The following DPP10 variants were observed in gnomAD, a reference collection of about 807,000 sequenced individuals.
The protein encoded by DPP10 is inactive dipeptidyl peptidase 10.
Under a neutral mutation model 120.9 loss-of-function variants are expected in DPP10, and 33 were observed. The observed-to-expected ratio is 0.27, with a 90% CI of 0.21 to 0.37. The LOEUF (loss-of-function observed/expected upper bound fraction) is 0.37, where lower values mean the gene tolerates loss of function less well. DPP10 is among the 10% of genes least tolerant of loss of function. The probability of loss-of-function intolerance (pLI) is 1.00; values close to 1 mark genes in which losing one functional copy is unlikely to be tolerated. For missense variants in DPP10, 816 were observed against 942.8 expected, an observed-to-expected ratio of 0.87 and a Z score of 1.76; for synonymous variants, 337 against 326.1, an observed-to-expected ratio of 1.03 and a Z score of -0.36.
rs57462947 is a variant in DPP10, at chr2:115,207,416, CAAAAAAAAAA to C, written c.61-101802_61-101793del. 4.8e-3 allele frequency among the ~76,000 whole-genome samples: 249 copies of C among 52,286 alleles called. 3 individuals carry two copies. The highest frequency in any genetic ancestry group is 0.015 in the African/African-American group (228 of 15,126). The allele number at this position is 52,286 out of a possible 152,430, so 34.3% of individuals were successfully genotyped here. A position where few individuals can be genotyped will look rare whatever the true frequency, so the allele number is the denominator to read the frequency against. ...GGTTTTTAAAGAGTGCTTACTGCAC[CAAAAAAAAAA>C]AAAAAAAAAAAAAAAAAAAAGCTTT... On this transcript the variant is annotated intron_variant, in intron 1 of 25. Coordinates refer to ENST00000410059, the MANE Select transcript of DPP10 (RefSeq NM_020868.6).
intron 1 of DPP10, among the ~76,000 whole-genome samples, chr2:114,543,292 G>A (rs1239309421): frequency 2.0e-5 from 3 of 152,142 alleles, no homozygotes; most frequent in African/African-American, 4.8e-5. Context: ...GCACTTAACT[G>A]AGTGCACATC....
chr2:115,426,914 G>A (rs896973045), intron 3 of DPP10, among the ~76,000 whole-genome samples: 4 of 152,182 alleles, frequency 2.6e-5, no homozygotes, highest in African/African-American at 9.6e-5. Flanking sequence ...CTATAAACTT[G>A]TAGAATAAAA....
intron 1 of DPP10, among the ~76,000 whole-genome samples, chr2:114,443,655 T>C (rs1230066134): frequency 6.6e-6 from 1 of 151,806 alleles, no homozygotes; most frequent in East Asian, 1.9e-4. Context: ...GTGGATATTT[T>C]GCATCTTGAG....
chr2:114,664,941 GAGCATCCAAAAGATGGCAT>G lies in DPP10; in HGVS notation c.60+222106_60+222124del, dbSNP rs1573920692. 5.3e-5 allele frequency among the ~76,000 whole-genome samples: 8 copies of G among 150,760 alleles called. No individual in the cohort carries two copies. In the East Asian group the frequency reaches 5.9e-4, roughly 11 times the overall value. ...CAGAGAGCATCCAAAAGATGGCACAGAGCATCCAAAAGATGGCATAGAGCATCCAAAAGATGGCAGAGAG... is the reference window on the plus strand; with the variant it reads ...CAGAGAGCATCCAAAAGATGGCACAGAGAGCATCCAAAAGATGGCAGAGAG... On this transcript the variant is annotated intron_variant, in intron 1 of 25. Coordinates refer to ENST00000410059, the MANE Select transcript of DPP10 (RefSeq NM_020868.6).
At chr2:115,412,895 C>A (rs2104595183) in intron 3 of DPP10, among the ~76,000 whole-genome samples, 1 of 152,140 alleles carries the variant, frequency 6.6e-6, no homozygotes, top group South Asian at 2.1e-4. Context: ...CAGTAGAGGG[C>A]CTCTCATCTA....
chr2:115,001,604 T>C (rs1435521436), intron 1 of DPP10, among the ~76,000 whole-genome samples: 3 of 152,216 alleles, frequency 2.0e-5, no homozygotes, highest in Non-Finnish European at 4.4e-5. Flanking sequence ...GAAGTCAGTC[T>C]ACCCCTGTTT....
intron 1 of DPP10, among the ~76,000 whole-genome samples, chr2:114,672,482 A>G (rs79409684): frequency 1.0e-3 from 159 of 152,266 alleles, no homozygotes; most frequent in African/African-American, 3.6e-3. Context: ...TATTTGTGTC[A>G]ATACTTTCTG....
Position 115,287,304 on chromosome 2 carries a change from A to T in DPP10, c.61-21935A>T, listed in dbSNP as rs182110409. On this transcript the variant is annotated intron_variant, in intron 1 of 25. Transcript: ENST00000410059. ...TTTTATTTTTAATTAATTTTTTAAAATTTCAGTAGCTTGAGGGGTACAAGT... is the reference window on the plus strand; with the variant it reads ...TTTTATTTTTAATTAATTTTTTAAATTTTCAGTAGCTTGAGGGGTACAAGT... 5.4e-4 allele frequency among the ~76,000 whole-genome samples: 82 copies of T among 152,180 alleles called. 1 individual carries two copies. The East Asian group carries it at 0.011, about 21-fold the overall frequency.
chr2:114,552,083 A>T (rs1408993190), intron 1 of DPP10, among the ~76,000 whole-genome samples: 1 of 152,204 alleles, frequency 6.6e-6, no homozygotes, highest in Non-Finnish European at 1.5e-5. Context: ...CGGCAGAGAC[A>T]ACATGGTACA....
intron 1 of DPP10, among the ~76,000 whole-genome samples, chr2:115,154,497 C>G (rs2051765649): frequency 6.6e-6 from 1 of 151,950 alleles, no homozygotes; most frequent in South Asian, 2.1e-4. Context: ...AGAGGAATAT[C>G]AAGACTATGT....
intron 1 of DPP10, among the ~76,000 whole-genome samples, chr2:114,903,894 C>A (rs1179802188): frequency 1.3e-5 from 2 of 152,226 alleles, no homozygotes; most frequent in African/African-American, 4.8e-5. Context: ...AGAATGAAAT[C>A]TGCCTTACAG....
chr2:114,967,368 C>T (rs1486891339), intron 1 of DPP10, among the ~76,000 whole-genome samples: 1 of 152,046 alleles, frequency 6.6e-6, no homozygotes, highest in Non-Finnish European at 1.5e-5. Context: ...AGTTTGTGGA[C>T]ACAGATGGAT....
intron 10 of DPP10, among the ~76,000 whole-genome samples, chr2:115,750,601 CAG>C (rs1296572706): frequency 2.6e-5 from 4 of 152,152 alleles, no homozygotes; most frequent in African/African-American, 9.7e-5. Flanking sequence ...TATTTAAAAA[CAG>C]ACACAATAAT....
intron 1 of DPP10, among the ~76,000 whole-genome samples, chr2:114,660,866 C>T (rs746356989): frequency 1.3e-5 from 2 of 152,052 alleles, no homozygotes; most frequent in Non-Finnish European, 2.9e-5. Context: ...TGAACTGCAA[C>T]TCTTACTTTT....
chr2:115,394,359 G>A (rs1028592106), intron 3 of DPP10, among the ~76,000 whole-genome samples: 1 of 151,526 alleles, frequency 6.6e-6, no homozygotes. Context: ...ATAAAGCCCA[G>A]GTTTCTGTTC....
At chr2:115,163,063 G>A (rs2052554413) in intron 1 of DPP10, among the ~76,000 whole-genome samples, 1 of 152,144 alleles carries the variant, frequency 6.6e-6, no homozygotes, top group Non-Finnish European at 1.5e-5. Flanking sequence ...GGGGTAGGAG[G>A]ACTGGGGATC....
rs552171474 is a variant in DPP10, at chr2:115,695,596, C to T, written c.576+5675C>T. ...GAACAGCTTGAGAAAAACCTGCCCC[C>T]ATGATTCAATTACCTCCCACCAAGT... On this transcript the variant is annotated intron_variant, in intron 7 of 25. Transcript: ENST00000410059. 5.1e-4 allele frequency among the ~76,000 whole-genome samples: 77 copies of T among 152,152 alleles called. 2 individuals are homozygous for T. The South Asian group carries it at 0.016, about 31-fold the overall frequency.
At chr2:115,112,188 A>G (rs2049259055) in intron 1 of DPP10, among the ~76,000 whole-genome samples, 2 of 152,086 alleles carry the variant, frequency 1.3e-5, no homozygotes, top group Admixed American at 1.3e-4. Context: ...TAAAATCCAG[A>G]ATATTGTATA....
At chr2:115,038,624 G>A (rs1704406121) in intron 1 of DPP10, among the ~76,000 whole-genome samples, 1 of 152,114 alleles carries the variant, frequency 6.6e-6, no homozygotes, top group Non-Finnish European at 1.5e-5. Context: ...GATTTAGATA[G>A]TATTTAAAAT....
Sources: allele counts gnomAD v4.1 joint callset (sites outside exome capture counted in the v4.1 genomes callset), GRCh38; gene constraint gnomAD v4.1.1; transcripts MANE v1.5; gene names NCBI Gene and HGNC (gene_info 2026-07-23, HGNC 2026-07-21).